Variants in FRMD4B observed in about 807,000 individuals in gnomAD.
FRMD4B encodes FERM domain-containing protein 4B.
FRMD4B carries 74 observed loss-of-function variants against 141.5 expected under a neutral mutation model. The ratio of observed to expected loss-of-function variants is 0.52; its 90% CI spans 0.43 to 0.63. The LOEUF (loss-of-function observed/expected upper bound fraction) is 0.63. FRMD4B is among the 30% of genes least tolerant of loss of function. FRMD4B has a pLI of 0.00. For missense variants in FRMD4B, 1,366 were observed against 1,253.4 expected (o/e 1.09, Z -1.36); for synonymous variants, 506 against 467.9 (o/e 1.08, Z -1.05).
chr3:69,458,983 T>G (rs1367327743), intron 1 of FRMD4B, among the ~76,000 whole-genome samples: 1 of 151,076 alleles, frequency 6.6e-6, no homozygotes, highest in African/African-American at 2.4e-5. Flanking sequence ...GGAAATCAAC[T>G]CAGAAGAATC....
At chr3:69,173,496 G>A (rs1490769216) in intron 22 of FRMD4B, among the ~76,000 whole-genome samples, 2 of 151,800 alleles carry the variant, frequency 1.3e-5, no homozygotes, top group Non-Finnish European at 2.9e-5. Context: ...CATTTTTATC[G>A]TTAACACCTA....
At chr3:69,537,231 G>A (rs1701101212) in intron 1 of FRMD4B, among the ~76,000 whole-genome samples, 1 of 152,196 alleles carries the variant, frequency 6.6e-6, no homozygotes, top group Admixed American at 6.5e-5. Context: ...CCTCTGCTGT[G>A]AGTGAACATT....
rs1372316891 is a variant in FRMD4B, at chr3:69,184,148, G to A, written c.1920-1431C>T. Among the ~76,000 whole-genome samples the A allele has an allele frequency of 2.0e-5, 3 of 152,186 alleles. No individual in the cohort carries two copies. In the East Asian group the frequency reaches 5.8e-4, roughly 29 times the overall value. On this transcript the variant is annotated intron_variant, in intron 19 of 22. Coordinates refer to ENST00000398540, the MANE Select transcript of FRMD4B (RefSeq NM_015123.3). ...GCTGTTTTCGAACTCCTGACGTCAAGTAATCTGCCTGCCTCAGCCTCCCAA... is the reference window on the plus strand; with the variant it reads ...GCTGTTTTCGAACTCCTGACGTCAAATAATCTGCCTGCCTCAGCCTCCCAA...
At position 69,480,661 on chromosome 3, in the gene FRMD4B, A is replaced by G. The variant is rs548614569; in HGVS notation, c.-128-47900T>C. ...TTAGGCTGCTCAGGGGTCAGGGGTC[A>G]GGGACCCACTTGAGGAGGCAGTCTG... On this transcript the variant is annotated intron_variant, in intron 1 of 5. Coordinates refer to the FRMD4B transcript ENST00000459638. Among the ~76,000 whole-genome samples, 420 of 152,330 alleles carry G rather than the reference A, an allele frequency of 2.8e-3. 2 individuals are homozygous for G. Among genetic ancestry groups the G allele is most frequent in the African/African-American group, 9.4e-3 (393 of 41,590 alleles).
At chr3:69,480,596 G>A (rs1706103102) in intron 1 of FRMD4B, among the ~76,000 whole-genome samples, 1 of 152,256 alleles carries the variant, frequency 6.6e-6, no homozygotes, top group South Asian at 2.1e-4. Context: ...ACCCGGCCGT[G>A]TGAGGTGTCA....
chr3:69,363,556 A>G (rs111325357), intron 1 of FRMD4B, among the ~76,000 whole-genome samples: 5,225 of 151,580 alleles, frequency 0.034, 304 homozygotes, highest in African/African-American at 0.12. Flanking sequence ...CGCCTGGCTA[A>G]TTTTTTGTAT....
At chr3:69,243,969 C>A (rs2093406541) in intron 7 of FRMD4B, among the ~76,000 whole-genome samples, 1 of 152,114 alleles carries the variant, frequency 6.6e-6, no homozygotes, top group Non-Finnish European at 1.5e-5. Flanking sequence ...TTGCTTGAAC[C>A]CGGGAGGCGG....
intron 1 of FRMD4B, among the ~76,000 whole-genome samples, chr3:69,327,194 T>C (rs1702215686): frequency 6.6e-6 from 1 of 152,168 alleles, no homozygotes; most frequent in Non-Finnish European, 1.5e-5. Flanking sequence ...GTTTGGAAAC[T>C]TTTTGCTTTG....
chr3:69,337,153 A>T (rs537419045), intron 1 of FRMD4B, among the ~76,000 whole-genome samples: 35 of 152,166 alleles, frequency 2.3e-4, no homozygotes, highest in African/African-American at 8.2e-4. Flanking sequence ...ATAATGCCAC[A>T]TATCTACAAC....
rs117069055 is a variant in FRMD4B at position 69,234,352 on chromosome 3, C to G, written c.582-9662G>C. 2.7e-3 allele frequency among the ~76,000 whole-genome samples: 404 copies of G among 151,838 alleles called. 2 individuals carry two copies. The highest frequency in any genetic ancestry group is 0.023 in the East Asian group (121 of 5,170). On this transcript the variant is annotated intron_variant, in intron 7 of 22. Transcript: ENST00000398540. ...AGCTGGATCTTCTATTGAAGGATGA[C>G]AGATTGCATAAACAAGTAATTATTA...
intron 5 of FRMD4B, among the ~76,000 whole-genome samples, chr3:69,268,470 G>A (rs17005582): frequency 0.035 from 5,264 of 152,058 alleles, 161 homozygotes; most frequent in East Asian, 0.1. Context: ...CACATTATAA[G>A]ATTACATACA....
At chr3:69,502,088 T>C (rs968358992) in intron 1 of FRMD4B, among the ~76,000 whole-genome samples, 2 of 152,028 alleles carry the variant, frequency 1.3e-5, no homozygotes, top group African/African-American at 4.8e-5. Context: ...ATCAATATCG[T>C]GAAAATGGCC....
chr3:69,453,885 G>A (rs1160587729), intron 1 of FRMD4B, among the ~76,000 whole-genome samples: 1 of 152,140 alleles, frequency 6.6e-6, no homozygotes, highest in Non-Finnish European at 1.5e-5. Flanking sequence ...GGATGTGAAA[G>A]GAGGGAGGCA....
At chr3:69,316,948 G>T (rs955985419) in intron 1 of FRMD4B, among the ~76,000 whole-genome samples, 1 of 151,964 alleles carries the variant, frequency 6.6e-6, no homozygotes, top group Non-Finnish European at 1.5e-5. Flanking sequence ...ATGGTGAAAC[G>T]CTGTCTCTAC....
chr3:69,389,456 G>C (rs182100300), upstream of FRMD4B, among the ~76,000 whole-genome samples: 1 of 152,162 alleles, frequency 6.6e-6, no homozygotes, highest in Non-Finnish European at 1.5e-5. Flanking sequence ...GTGGCAACTT[G>C]TTTTCAGGGA....
chr3:69,531,303 T>C (rs1420540437), intron 1 of FRMD4B, among the ~76,000 whole-genome samples: 1 of 151,986 alleles, frequency 6.6e-6, no homozygotes, highest in African/African-American at 2.4e-5. Flanking sequence ...AATTCAGCTG[T>C]CAATAACAGG....
chr3:69,198,771 A>G lies in FRMD4B; in HGVS notation c.880T>C (p.Phe294Leu). 6.7e-7 allele frequency: 1 copy of G among 1,495,546 alleles called. No homozygotes were observed. The highest frequency in any genetic ancestry group is 9.2e-7 in the Non-Finnish European group (1 of 1,088,648). 92.6% of individuals were successfully genotyped at this position (1,495,546 alleles called of 1,614,324 possible). The change falls in exon 12 of 23, where the codon TTC becomes CTC. Residue 294 changes from phenylalanine (F) to leucine (L), a missense_variant. Coordinates refer to ENST00000398540, the MANE Select transcript of FRMD4B (RefSeq NM_015123.3). Reference protein sequence around the residue: ...IQDKVKPRKLFQWKQLENLYF... With the variant: ...IQDKVKPRKLLQWKQLENLYF... ...AAGTTCTCCAGCTGTTTCCATTGGAATAACTAAAGAAAACAGAAAAGCCAG... is the reference window on the plus strand; with the variant it reads ...AAGTTCTCCAGCTGTTTCCATTGGAGTAACTAAAGAAAACAGAAAAGCCAG...
At chr3:69,201,969 C>G (rs758610194) in intron 11 of FRMD4B, among the ~76,000 whole-genome samples, 2 of 152,022 alleles carry the variant, frequency 1.3e-5, no homozygotes, top group African/African-American at 4.8e-5. Flanking sequence ...TTTGAGAGGC[C>G]GAGGCGGGTG....
intron 1 of FRMD4B, among the ~76,000 whole-genome samples, chr3:69,385,580 T>C (rs540273818): frequency 6.6e-6 from 1 of 152,126 alleles, no homozygotes; most frequent in Non-Finnish European, 1.5e-5. Context: ...AGTACACCAT[T>C]GCTCTGTAAC....
Sources: allele counts gnomAD v4.1 joint callset (sites outside exome capture counted in the v4.1 genomes callset), GRCh38; gene constraint gnomAD v4.1.1; transcripts MANE v1.5; gene names NCBI Gene and HGNC (gene_info 2026-07-23, HGNC 2026-07-21).